Variants in ITK observed in about 807,000 individuals in gnomAD.
ITK encodes the protein IL2 inducible T cell kinase.
Under a neutral mutation model 87.6 loss-of-function variants are expected in ITK, and 45 were observed. The observed-to-expected ratio is 0.51, with a 90% confidence interval of 0.40 to 0.66. The LOEUF is 0.66. Among genes scored for constraint, ITK ranks in the 30% least tolerant of loss-of-function variants. ITK has a pLI of 0.00. For synonymous variants in ITK, 303 were observed against 273.6 expected (o/e 1.11, Z -1.06); for missense variants, 605 against 766.3 (o/e 0.79, Z 2.48).
At chr5:157,217,722 T>A in intron 4 of ITK, 145 bp from the exon 5 acceptor site, 2 of 706,908 alleles carry the variant, frequency 2.8e-6, no homozygotes, top group Non-Finnish European at 5.1e-6. Flanking sequence ...CAGGTTTCAC[T>A]GTGTCTTATT....
chr5:157,240,491 GA>G, intron 10 of ITK: 1 of 468,500 alleles, frequency 2.1e-6, no homozygotes, highest in South Asian at 2.1e-5. Context: ...AAAGGTTGGG[GA>G]CTGCTGCTCT....
intron 16 of ITK, among the ~76,000 whole-genome samples, chr5:157,250,358 C>G (rs573923444): frequency 1.3e-5 from 2 of 152,174 alleles, no homozygotes; most frequent in Non-Finnish European, 2.9e-5. Context: ...TAGTAATATG[C>G]TTTAAGGTCC....
Position 157,254,596 on chromosome 5 carries a change from G to T in ITK, c.*1918G>T, listed in dbSNP as rs1755214632. Reference sequence around the variant, plus strand: ...CATAATTTTTAATTATAATTATTGTGAAGTGGAGAGCCTCAAGATAAAACT... The same window carrying T: ...CATAATTTTTAATTATAATTATTGTTAAGTGGAGAGCCTCAAGATAAAACT... On this transcript the variant is annotated 3_prime_UTR_variant, in exon 17 of 17. Coordinates refer to ENST00000422843, the MANE Select transcript of ITK (RefSeq NM_005546.4). 4.6e-6 allele frequency: 1 copy of T among 218,404 alleles called. No homozygotes were observed. Among genetic ancestry groups the T allele is most frequent in the South Asian group, 1.8e-4 (1 of 5,408 alleles). 13.5% of individuals were successfully genotyped at this position (218,404 alleles called of 1,614,324 possible).
chr5:157,230,233 G>A (rs1307906646), intron 7 of ITK, among the ~76,000 whole-genome samples: 1 of 152,136 alleles, frequency 6.6e-6, no homozygotes, highest in Admixed American at 6.5e-5. Context: ...AAAGAGAATA[G>A]TAAAGCAAAT....
chr5:157,185,154 G>A (rs981727513), intron 1 of ITK, among the ~76,000 whole-genome samples: 1 of 152,080 alleles, frequency 6.6e-6, no homozygotes, highest in Non-Finnish European at 1.5e-5. Context: ...TCTGGAATCA[G>A]ACAGATCTGG....
At chr5:157,233,964 T>TATATAGATATATATATA (rs1491125187) in intron 8 of ITK, among the ~76,000 whole-genome samples, 1 of 16,910 alleles carries the variant, frequency 5.9e-5, no homozygotes, top group Non-Finnish European at 1.1e-4. Flanking sequence ...TATATATATA[T>TATATAGATATATATATA]TTTTTTTTTT....
rs201838461 is a variant in ITK, at chr5:157,233,932, CATATATATATAT to C, written c.768+1559_768+1570del. On this transcript the variant is annotated intron_variant, in intron 8 of 16. Coordinates refer to ENST00000422843, the MANE Select transcript of ITK (RefSeq NM_005546.4). Reference sequence around the variant, plus strand: ...GTTGAAACATTCCTCCTTACTGATACATATATATATATATATATATATATATATATATTTTTT... The same window carrying C: ...GTTGAAACATTCCTCCTTACTGATACATATATATATATATATATATTTTTT... 2.5e-3 allele frequency among the ~76,000 whole-genome samples: 53 copies of C among 21,526 alleles called. 1 individual carries two copies. The highest frequency in any genetic ancestry group is 6.3e-3 in the East Asian group (4 of 632). 14.1% of individuals were successfully genotyped at this position (21,526 alleles called of 152,430 possible). A position where few individuals can be genotyped will look rare whatever the true frequency, so the allele number is the denominator to read the frequency against.
rs2288503 is a variant in ITK at position 157,222,807 on chromosome 5, G to A, written c.496-56G>A. 8.7e-4 allele frequency: 1,381 copies of A among 1,582,860 alleles called. 19 individuals carry two copies. In the East Asian group the frequency reaches 0.029, roughly 33 times the overall value. On this transcript the variant is annotated intron_variant, in intron 5 of 16. Transcript: ENST00000422843. ...CTCCCCAGACACCCCGATGAAAGGA[G>A]GCATTTTACCTCCTTTTTTATGTCT...
chr5:157,252,841 C>G lies in ITK; in HGVS notation c.*163C>G. The G allele has an allele frequency of 1.5e-6, 1 of 675,024 alleles. No homozygotes were observed. The highest frequency in any genetic ancestry group is 2.7e-6 in the Non-Finnish European group (1 of 368,290). The allele number at this position is 675,024 out of a possible 1,614,324, so 41.8% of individuals were successfully genotyped here. A position where few individuals can be genotyped will look rare whatever the true frequency, so the allele number is the denominator to read the frequency against. On this transcript the variant is annotated 3_prime_UTR_variant, in exon 17 of 17. Coordinates refer to ENST00000422843, the MANE Select transcript of ITK (RefSeq NM_005546.4). ...CACCATGGAAGCAGCATCCTGACCA[C>G]AGCTGGCAGTCAAGCCACAGCTGGA... is the stretch of plus-strand genomic sequence containing the variant.
intron 1 of ITK, among the ~76,000 whole-genome samples, chr5:157,207,600 G>A (rs13180018): frequency 0.21 from 31,166 of 151,508 alleles, 4,114 homozygotes; most frequent in East Asian, 0.53. Context: ...AGGCTGTCTC[G>A]AACTCCTGAT....
rs1057019662 is a variant in ITK at position 157,214,139 on chromosome 5, C to T, written c.326-52C>T. On this transcript the variant is annotated intron_variant, in intron 3 of 16. Transcript: ENST00000422843. ...TCGAGGTGTTATAAAATTGGTAGCC[C>T]TTGATAGACTGACCTGGAAATAACT... 3.2e-6 allele frequency: 5 copies of T among 1,548,236 alleles called. No homozygotes were observed. In the African/African-American group the frequency reaches 6.8e-5, roughly 21 times the overall value.
At chr5:157,215,934 C>T (rs1032863223) in intron 4 of ITK, among the ~76,000 whole-genome samples, 1 of 152,174 alleles carries the variant, frequency 6.6e-6, no homozygotes, top group African/African-American at 2.4e-5. Flanking sequence ...GTGCTAGGGA[C>T]ATCTGAATGA....
intron 3 of ITK, among the ~76,000 whole-genome samples, chr5:157,211,747 T>C (rs1053871471): frequency 3.9e-5 from 6 of 152,232 alleles, no homozygotes; most frequent in Non-Finnish European, 7.3e-5. Context: ...AAGCAGAGCA[T>C]AGGCCCTCAT....
intron 8 of ITK, among the ~76,000 whole-genome samples, chr5:157,235,894 A>C (rs921314743): frequency 1.3e-5 from 2 of 152,232 alleles, no homozygotes; most frequent in African/African-American, 2.4e-5. Flanking sequence ...ACAATGGAAT[A>C]ATTACTTCCA....
At chr5:157,248,256 G>T (rs1428530269) in intron 15 of ITK, among the ~76,000 whole-genome samples, 1 of 152,162 alleles carries the variant, frequency 6.6e-6, no homozygotes, top group Non-Finnish European at 1.5e-5. Context: ...GACAAAGCTA[G>T]GTGTCACATT....
intron 6 of ITK, among the ~76,000 whole-genome samples, chr5:157,223,585 A>T (rs1168653650): frequency 6.6e-6 from 1 of 151,374 alleles, no homozygotes; most frequent in East Asian, 2.0e-4. Context: ...AATGAAAAAA[A>T]TACCAAGCAT....
At chr5:157,210,795 G>A (rs1243766300) in intron 2 of ITK, among the ~76,000 whole-genome samples, 1 of 147,460 alleles carries the variant, frequency 6.8e-6, no homozygotes. Context: ...TTTGAAAGAT[G>A]TGTTGTGGTT....
At position 157,250,232 on chromosome 5, in the gene ITK, C is replaced by T. The variant is rs1755114340; in HGVS notation, c.1791+1225C>T. Among the ~76,000 whole-genome samples, 5 of 152,290 alleles carry T rather than the reference C, an allele frequency of 3.3e-5. No homozygotes were observed. In the South Asian group the frequency reaches 1.0e-3, roughly 32 times the overall value. ...TTCACCCATTTATCCCTCTCCTCAT[C>T]CCCAAACCACTGGCAACTACTGATC... On this transcript the variant is annotated intron_variant, in intron 16 of 16. Transcript: ENST00000422843.
chr5:157,204,105 G>C (rs1348905744), intron 1 of ITK, among the ~76,000 whole-genome samples: 1 of 152,116 alleles, frequency 6.6e-6, no homozygotes, highest in Non-Finnish European at 1.5e-5. Context: ...GAAACATATG[G>C]GCCCAAGTGA....
Sources: gnomAD v4.1 joint callset for allele counts (sites outside exome capture counted in the v4.1 genomes callset) on GRCh38, gnomAD v4.1.1 for gene constraint, MANE v1.5 for transcripts, NCBI Gene and HGNC (gene_info 2026-07-23, HGNC 2026-07-21) for gene names.